Variants in CPED1 observed in about 807,000 individuals in gnomAD.
The protein encoded by CPED1 is cadherin like and PC-esterase domain containing 1, also known as cadherin-like and PC-esterase domain-containing protein 1.
Under a neutral mutation model 128.2 loss-of-function variants are expected in CPED1, and 114 were observed. That is an observed-to-expected ratio of 0.89 (90% CI 0.76 to 1.04). The LOEUF (loss-of-function observed/expected upper bound fraction) is 1.04. Among genes scored for constraint, CPED1 ranks in the 50% least tolerant of loss-of-function variants. CPED1 has a pLI of 0.00. For synonymous variants in CPED1, 462 were observed against 426.7 expected, an observed-to-expected ratio of 1.08 and a Z score of -1.02; for missense variants, 1,211 against 1,207.1, an observed-to-expected ratio of 1.00 and a Z score of -0.05.
intron 7 of CPED1, among the ~76,000 whole-genome samples, chr7:121,102,041 C>G (rs936490980): frequency 6.6e-6 from 1 of 152,118 alleles, no homozygotes. Context: ...TTATTTAATG[C>G]TGCATGTATA....
chr7:120,999,337 G>A lies in CPED1; in HGVS notation c.249+9467G>A, dbSNP rs539957329. On this transcript the variant is annotated intron_variant, in intron 2 of 22. Coordinates refer to ENST00000310396, the MANE Select transcript of CPED1 (RefSeq NM_024913.5). The stretch of plus-strand genomic sequence containing the variant: ...ATTAATTAACTATCATTGATTTCTC[G>A]TTATCATCAGCTCCTTTGTCTCATT... 1.4e-4 allele frequency among the ~76,000 whole-genome samples: 22 copies of A among 152,036 alleles called. 1 individual carries two copies. The East Asian group carries it at 1.7e-3, about 12-fold the overall frequency.
intron 5 of CPED1, among the ~76,000 whole-genome samples, chr7:121,085,079 C>T (rs571246646): frequency 3.9e-5 from 6 of 152,080 alleles, no homozygotes; most frequent in South Asian, 2.1e-4. Flanking sequence ...CTATATTCAC[C>T]GTTTACTCCA....
At chr7:121,199,166 A>G (rs1239007975) in intron 16 of CPED1, among the ~76,000 whole-genome samples, 1 of 152,102 alleles carries the variant, frequency 6.6e-6, no homozygotes, top group Non-Finnish European at 1.5e-5. Context: ...GATCATCAGT[A>G]GAAGCACAGC....
chr7:121,116,956 C>A (rs1795250336), intron 7 of CPED1, among the ~76,000 whole-genome samples: 2 of 81,434 alleles, frequency 2.5e-5, no homozygotes, highest in African/African-American at 8.0e-5. Context: ...CTCTCTCTCT[C>A]TCTCTCTATA....
intron 22 of CPED1, among the ~76,000 whole-genome samples, chr7:121,288,102 G>A (rs929052534): frequency 6.6e-6 from 1 of 152,044 alleles, no homozygotes; most frequent in Non-Finnish European, 1.5e-5. Flanking sequence ...GAAATAAATT[G>A]TATGGGCTAG....
intron 18 of CPED1, among the ~76,000 whole-genome samples, chr7:121,248,843 C>T (rs1313240805): frequency 2.0e-5 from 3 of 152,062 alleles, no homozygotes; most frequent in Non-Finnish European, 4.4e-5. Context: ...TATAAAATGA[C>T]TGAAATGATA....
At chr7:121,265,838 C>T (rs1792110829) in intron 18 of CPED1, among the ~76,000 whole-genome samples, 1 of 152,026 alleles carries the variant, frequency 6.6e-6, no homozygotes, top group East Asian at 1.9e-4. Flanking sequence ...TCTCTGTTTG[C>T]ACATCTGTAA....
At chr7:121,013,309 A>G (rs754309470) in intron 2 of CPED1, among the ~76,000 whole-genome samples, 13 of 152,226 alleles carry the variant, frequency 8.5e-5, no homozygotes, top group Non-Finnish European at 1.6e-4. Flanking sequence ...TTGCATTTAA[A>G]TGGTTTTCTC....
At chr7:121,035,490 T>A (rs959954285) in intron 3 of CPED1, among the ~76,000 whole-genome samples, 2 of 152,168 alleles carry the variant, frequency 1.3e-5, no homozygotes, top group Non-Finnish European at 2.9e-5. Context: ...GTTGAAGATG[T>A]CCTTATGCCT....
chr7:121,130,604 A>G (rs907068292), intron 12 of CPED1, among the ~76,000 whole-genome samples: 7 of 152,100 alleles, frequency 4.6e-5, no homozygotes, highest in African/African-American at 1.7e-4. Context: ...TGAGGGTATC[A>G]GACAGAAGTA....
intron 16 of CPED1, among the ~76,000 whole-genome samples, chr7:121,222,945 A>G (rs1270178048): frequency 6.6e-6 from 1 of 152,050 alleles, no homozygotes; most frequent in Non-Finnish European, 1.5e-5. Flanking sequence ...AATACCCTTT[A>G]TTTCTTTCTC....
chr7:121,201,935 T>C (rs567248360), intron 16 of CPED1, among the ~76,000 whole-genome samples: 10 of 152,140 alleles, frequency 6.6e-5, no homozygotes, highest in Non-Finnish European at 1.2e-4. Context: ...GAAACAAATA[T>C]GGAACAAAAT....
chr7:121,205,477 A>G (rs1053841582), intron 16 of CPED1, among the ~76,000 whole-genome samples: 5 of 151,984 alleles, frequency 3.3e-5, no homozygotes, highest in Non-Finnish European at 7.4e-5. Context: ...TTTTGGTATT[A>G]TCTTTTCTTT....
intron 16 of CPED1, among the ~76,000 whole-genome samples, chr7:121,194,536 C>T (rs575726488): frequency 6.6e-6 from 1 of 151,876 alleles, no homozygotes; most frequent in East Asian, 1.9e-4. Flanking sequence ...TTTCATTTAC[C>T]AGCTGTATGG....
intron 3 of CPED1, among the ~76,000 whole-genome samples, chr7:121,029,011 A>G (rs926377678): frequency 9.2e-5 from 14 of 152,156 alleles, no homozygotes; most frequent in Non-Finnish European, 1.9e-4. Context: ...CACATACCAT[A>G]AAAACTTTGT....
chr7:121,295,506 A>G lies in CPED1; in HGVS notation c.2935A>G (p.Met979Val), dbSNP rs765614139. Residue 979 changes from methionine (M) to valine (V), a missense_variant, in exon 23 of 23, where the codon ATG becomes GTG. Met to Val is a conservative substitution (Grantham distance 21, BLOSUM62 1). Coordinates refer to ENST00000310396, the MANE Select transcript of CPED1 (RefSeq NM_024913.5). ...IKMKRSRNHI[M>V]GRYFSNQSKL... is the part of the protein sequence containing the mutation. ...AATGAAAAGATCAAGAAATCATATC[A>G]TGGGAAGATATTTCAGCAATCAAAG... The G allele has an allele frequency of 6.2e-7, 1 of 1,614,018 alleles. No homozygotes were observed. Among genetic ancestry groups the G allele is most frequent in the South Asian group, 1.1e-5 (1 of 91,080 alleles).
chr7:120,989,738 G>A lies in CPED1; in HGVS notation c.117G>A (p.Arg39=). Residue 39 remains arginine (R), a synonymous_variant, in exon 2 of 23, where the codon AGG becomes AGA. Transcript: ENST00000310396. ...FYQTLTLRGS[R]KLTAAAPGAV... ...AGACTCTGACCCTCCGAGGGTCGAG[G>A]AAGCTCACAGCCGCTGCCCCTGGGG... 6.2e-7 allele frequency: 1 copy of A among 1,613,918 alleles called. No homozygotes were observed. Among genetic ancestry groups the A allele is most frequent in the Non-Finnish European group, 8.5e-7 (1 of 1,179,986 alleles).
chr7:121,084,421 T>C (rs1794372840), intron 5 of CPED1, among the ~76,000 whole-genome samples: 1 of 152,184 alleles, frequency 6.6e-6, no homozygotes, highest in African/African-American at 2.4e-5. Context: ...TAGGGTGTAA[T>C]GAAATAGTCA....
At chr7:121,024,493 G>C (rs1047615974) in intron 3 of CPED1, among the ~76,000 whole-genome samples, 2 of 152,044 alleles carry the variant, frequency 1.3e-5, no homozygotes, top group Non-Finnish European at 2.9e-5. Flanking sequence ...CCTTCTAATT[G>C]TTTGATCTTT....
Sources: allele counts gnomAD v4.1 joint callset (sites outside exome capture counted in the v4.1 genomes callset), GRCh38; gene constraint gnomAD v4.1.1; transcripts MANE v1.5; gene names NCBI Gene and HGNC (gene_info 2026-07-23, HGNC 2026-07-21).